The following POU6F2 variants were observed in gnomAD, a reference collection of about 807,000 sequenced individuals.
POU6F2 encodes POU domain, class 6, transcription factor 2.
In POU6F2, 31 loss-of-function variants were observed where a neutral mutation model predicts 71.3. That is an observed-to-expected ratio of 0.43 (90% CI 0.33 to 0.59). The LOEUF (loss-of-function observed/expected upper bound fraction) is 0.59, where lower values mean the gene tolerates loss of function less well. Ranked by LOEUF, POU6F2 falls within the 20% of genes least tolerant of loss-of-function variation. The probability of loss-of-function intolerance (pLI) is 0.04; values close to 1 mark genes in which losing one functional copy is unlikely to be tolerated. For synonymous variants in POU6F2, 347 were observed against 355.7 expected (o/e 0.98, Z 0.27); for missense variants, 783 against 856.8 (o/e 0.91, Z 1.07).
intron 7 of POU6F2, among the ~76,000 whole-genome samples, chr7:39,435,496 T>G (rs546618748): frequency 6.6e-6 from 1 of 152,324 alleles, no homozygotes; most frequent in South Asian, 2.1e-4. Flanking sequence ...TCTTGTAAAT[T>G]TGTTTAAGTT....
At chr7:39,397,750 C>G (rs1024269863) in intron 5 of POU6F2, among the ~76,000 whole-genome samples, 12 of 148,896 alleles carry the variant, frequency 8.1e-5, no homozygotes, top group Non-Finnish European at 1.6e-4. Flanking sequence ...GCCTGATCCA[C>G]AAGCGTGAGC....
intron 1 of POU6F2, among the ~76,000 whole-genome samples, chr7:39,067,253 G>A (rs1790776333): frequency 6.7e-6 from 1 of 150,018 alleles, no homozygotes; most frequent in African/African-American, 2.4e-5. Flanking sequence ...GGGAAGACGT[G>A]AGATTTGCAT....
chr7:39,159,001 G>A (rs561649641), intron 2 of POU6F2, among the ~76,000 whole-genome samples: 12 of 151,302 alleles, frequency 7.9e-5, no homozygotes, highest in African/African-American at 1.5e-4. Flanking sequence ...ATGAAACCCC[G>A]TCTATACTAA....
At chr7:39,422,637 G>A (rs558631390) in intron 6 of POU6F2, among the ~76,000 whole-genome samples, 7 of 152,226 alleles carry the variant, frequency 4.6e-5, no homozygotes, top group South Asian at 4.2e-4. Flanking sequence ...ACTGTGGTGC[G>A]GCCACTGAGG....
chr7:38,981,333 CTG>C (rs1227486066), intron 1 of POU6F2, among the ~76,000 whole-genome samples: 1 of 152,040 alleles, frequency 6.6e-6, no homozygotes, highest in African/African-American at 2.4e-5. Context: ...TGCGGACCTC[CTG>C]TTTTTGTTTT....
intron 2 of POU6F2, among the ~76,000 whole-genome samples, chr7:39,180,243 T>C (rs1206004971): frequency 6.6e-6 from 1 of 152,192 alleles, no homozygotes; most frequent in African/African-American, 2.4e-5. Context: ...GCATGCTTTC[T>C]CAGCGGAGGG....
chr7:39,346,560 C>T (rs554335109), intron 5 of POU6F2, among the ~76,000 whole-genome samples: 7 of 152,336 alleles, frequency 4.6e-5, no homozygotes, highest in African/African-American at 1.7e-4. Flanking sequence ...TGTCCAGTCC[C>T]TTCACTGTTG....
At chr7:39,390,443 C>G (rs896292721) in intron 5 of POU6F2, among the ~76,000 whole-genome samples, 1 of 152,150 alleles carries the variant, frequency 6.6e-6, no homozygotes, top group Non-Finnish European at 1.5e-5. Flanking sequence ...AATGGTAAGG[C>G]AAGGCAGATG....
chr7:39,178,219 A>G (rs1793369036), intron 2 of POU6F2, among the ~76,000 whole-genome samples: 1 of 152,142 alleles, frequency 6.6e-6, no homozygotes, highest in South Asian at 2.1e-4. Flanking sequence ...ATGCCGCTGC[A>G]CTCCAGCCTG....
chr7:39,006,715 G>A, intron 1 of POU6F2: 1 of 859,584 alleles, frequency 1.2e-6, no homozygotes, highest in Non-Finnish European at 2.0e-6. Flanking sequence ...AGTTTTCTTT[G>A]CAATGTCATC....
At chr7:39,043,235 T>C (rs560069191) in intron 1 of POU6F2, among the ~76,000 whole-genome samples, 1 of 152,096 alleles carries the variant, frequency 6.6e-6, no homozygotes, top group East Asian at 1.9e-4. Flanking sequence ...CCACCACCTT[T>C]TTATGTAAAA....
intron 6 of POU6F2, among the ~76,000 whole-genome samples, chr7:39,431,412 C>T (rs545271388): frequency 3.9e-5 from 6 of 152,178 alleles, no homozygotes; most frequent in East Asian, 1.9e-4. Context: ...GTCCCAGTGA[C>T]GGCTGAGTCT....
At chr7:39,322,554 A>C (rs1184538223) in intron 4 of POU6F2, among the ~76,000 whole-genome samples, 2 of 152,312 alleles carry the variant, frequency 1.3e-5, no homozygotes, top group South Asian at 4.1e-4. Context: ...ATAACCTTTC[A>C]GGGCTCTCCA....
chr7:39,391,917 C>T (rs1787082974), intron 5 of POU6F2, among the ~76,000 whole-genome samples: 1 of 152,238 alleles, frequency 6.6e-6, no homozygotes, highest in Non-Finnish European at 1.5e-5. Context: ...GGAAAGGCCA[C>T]TAGTCCCATT....
At chr7:39,131,032 G>C (rs888268048) in intron 2 of POU6F2, among the ~76,000 whole-genome samples, 1 of 152,212 alleles carries the variant, frequency 6.6e-6, no homozygotes, top group Non-Finnish European at 1.5e-5. Context: ...AAGGCTAATT[G>C]AGAAGTGTGT....
intron 6 of POU6F2, among the ~76,000 whole-genome samples, chr7:39,414,378 G>A (rs1429894590): frequency 6.6e-6 from 1 of 152,148 alleles, no homozygotes; most frequent in Non-Finnish European, 1.5e-5. Context: ...CAAACCGAGG[G>A]CAAATGAACG....
At chr7:39,439,987 T>C (rs1788354779) in intron 7 of POU6F2, among the ~76,000 whole-genome samples, 2 of 152,350 alleles carry the variant, frequency 1.3e-5, no homozygotes, top group Admixed American at 6.5e-5. Flanking sequence ...AATTCTTTTC[T>C]TTAAGATTGT....
chr7:39,440,899 T>A (rs58967104), intron 7 of POU6F2, among the ~76,000 whole-genome samples: 48,125 of 151,130 alleles, frequency 0.32, 8,270 homozygotes, highest in East Asian at 0.52. Context: ...GATGATGATG[T>A]TGTTGTTGTT....
chr7:39,422,547 C>T (rs567447025), intron 6 of POU6F2, among the ~76,000 whole-genome samples: 26 of 152,122 alleles, frequency 1.7e-4, no homozygotes, highest in East Asian at 5.8e-4. Context: ...TTTTTGGGAG[C>T]GTGATGGAGC....
Sources: allele counts gnomAD v4.1 joint callset (sites outside exome capture counted in the v4.1 genomes callset), GRCh38; gene constraint gnomAD v4.1.1; transcripts MANE v1.5; gene names NCBI Gene and HGNC (gene_info 2026-07-23, HGNC 2026-07-21).